Variants in NHSL1 observed in about 807,000 individuals in gnomAD.
The protein encoded by NHSL1 is NHS-like protein 1.
NHSL1 carries 48 observed loss-of-function variants against 95.0 expected under a neutral mutation model. The observed-to-expected ratio is 0.51, with a 90% confidence interval of 0.40 to 0.64. The LOEUF is 0.64. Ranked by LOEUF, NHSL1 falls within the 30% of genes least tolerant of loss-of-function variation. NHSL1 has a pLI of 0.00. For synonymous variants in NHSL1, 783 were observed against 833.9 expected (o/e 0.94, Z 1.05); for missense variants, 1,971 against 2,077.7 (o/e 0.95, Z 1.00).
intron 3 of NHSL1, among the ~76,000 whole-genome samples, chr6:138,451,596 T>G (rs1408650931): frequency 1.3e-5 from 2 of 152,216 alleles, no homozygotes; most frequent in South Asian, 4.1e-4. Context: ...CTATATGCCT[T>G]GCCCTTGGTG....
At chr6:138,441,304 A>G (rs989704033) in intron 5 of NHSL1, among the ~76,000 whole-genome samples, 2 of 152,178 alleles carry the variant, frequency 1.3e-5, no homozygotes, top group Non-Finnish European at 2.9e-5. Flanking sequence ...GAAAACAGTG[A>G]GAGGAAGTTA....
In NHSL1 at chr6:138,676,402, G is replaced by GA. The variant is rs148191619; in HGVS notation, c.96+16073dup. 1.3e-4 allele frequency among the ~76,000 whole-genome samples: 19 copies of GA among 145,720 alleles called. 1 individual carries two copies. The highest frequency in any genetic ancestry group is 6.5e-4 in the South Asian group (3 of 4,598). ...ACACTTAGGTTTTAAAATACACTCAGAAAAAAAAAATAAAACTAGTCTAAA... is the reference window on the plus strand; with the variant it reads ...ACACTTAGGTTTTAAAATACACTCAGAAAAAAAAAAATAAAACTAGTCTAAA... On this transcript the variant is annotated intron_variant, in intron 1 of 3. Transcript: ENST00000491526.
intron 3 of NHSL1, chr6:138,470,684 C>T (rs367844644): frequency 6.6e-6 from 1 of 152,174 alleles, no homozygotes; most frequent in African/African-American, 2.4e-5. Context: ...TTGTAAGAGA[C>T]CAAATATAGG....
chr6:138,527,913 C>A (rs1251367041), intron 1 of NHSL1, among the ~76,000 whole-genome samples: 3 of 152,206 alleles, frequency 2.0e-5, no homozygotes, highest in Non-Finnish European at 4.4e-5. Flanking sequence ...TTGCCACATA[C>A]TTCTACTGGC....
rs1775073931 is a variant in NHSL1, at chr6:138,423,990, G to C, written c.*91C>G. 4.0e-6 allele frequency: 5 copies of C among 1,252,684 alleles called. No individual in the cohort carries two copies. The South Asian group carries it at 1.0e-4, about 25-fold the overall frequency. The allele number at this position is 1,252,684 out of a possible 1,614,324, so 77.6% of individuals were successfully genotyped here. ...GCACAGAAGCAGAGTGGGCTCCCCG[G>C]GTGAGCCAGGGAAGGGCGCCTAGCA... On this transcript the variant is annotated 3_prime_UTR_variant, in exon 8 of 8. Coordinates refer to ENST00000343505, the MANE Select transcript of NHSL1 (RefSeq NM_001144060.2).
At chr6:138,447,533 G>C (rs763629776) in intron 3 of NHSL1, among the ~76,000 whole-genome samples, 3 of 152,168 alleles carry the variant, frequency 2.0e-5, no homozygotes, top group Non-Finnish European at 4.4e-5. Context: ...CAGCACTTTA[G>C]GAGGCTGAGG....
chr6:138,432,439 C>A lies in NHSL1; in HGVS notation c.1906G>T (p.Val636Leu). ...SDGFGNPRHS[V>L]INVFVGRAQK... ...GCTCTTCCAACAAAAACATTGATCA[C>A]GCTGTGCCTGGGGTTCCCAAAGCCA... is the stretch of plus-strand genomic sequence containing the variant. Residue 636 changes from valine to leucine, a missense_variant, in exon 6 of 8, where the codon GTG (valine) becomes TTG (leucine). Physicochemically the swap from Val to Leu is conservative, Grantham distance 32 (BLOSUM62 1). Transcript: ENST00000343505. The surrounding 1 kb of genome is among the most constrained non-coding windows in gnomAD (Gnocchi z 4.4). The A allele has an allele frequency of 1.9e-6, 3 of 1,552,366 alleles. No homozygotes were observed. Among genetic ancestry groups the A allele is most frequent in the Non-Finnish European group, 2.6e-6 (3 of 1,147,140 alleles).
chr6:138,461,232 G>T (rs75147051), intron 3 of NHSL1, among the ~76,000 whole-genome samples: 8,398 of 152,146 alleles, frequency 0.055, 636 homozygotes, highest in East Asian at 0.29. Context: ...TTTCAGTGGA[G>T]ATGGACAGTA....
intron 1 of NHSL1, among the ~76,000 whole-genome samples, chr6:138,526,920 T>G (rs1781927849): frequency 6.6e-6 from 1 of 152,218 alleles, no homozygotes; most frequent in South Asian, 2.1e-4. Flanking sequence ...TCCATCTTGA[T>G]AGTATCGATA....
At chr6:138,448,299 GA>G (rs1776993101) in intron 3 of NHSL1, among the ~76,000 whole-genome samples, 1 of 152,104 alleles carries the variant, frequency 6.6e-6, no homozygotes, top group Non-Finnish European at 1.5e-5. Context: ...GGAACACAAC[GA>G]AAAAGGGTAA....
At chr6:138,457,460 C>T (rs577996813) in intron 3 of NHSL1, among the ~76,000 whole-genome samples, 11 of 152,194 alleles carry the variant, frequency 7.2e-5, no homozygotes, top group South Asian at 2.1e-4. Context: ...TAACCAGAAT[C>T]GACGTCCTCT....
intron 1 of NHSL1, among the ~76,000 whole-genome samples, chr6:138,564,511 A>G (rs1783533075): frequency 6.6e-6 from 1 of 152,230 alleles, no homozygotes; most frequent in African/African-American, 2.4e-5. Context: ...CTAAAAATAC[A>G]AAAACTGGCC....
chr6:138,480,197 T>A (rs561631250), intron 2 of NHSL1, among the ~76,000 whole-genome samples: 65 of 152,328 alleles, frequency 4.3e-4, no homozygotes, highest in African/African-American at 1.4e-3. Flanking sequence ...AATCCATGCA[T>A]ACTAAACTCC....
At chr6:138,514,562 C>T (rs1363985691) in intron 1 of NHSL1, among the ~76,000 whole-genome samples, 1 of 152,066 alleles carries the variant, frequency 6.6e-6, no homozygotes, top group Non-Finnish European at 1.5e-5. Context: ...ACAATGACAA[C>T]AGTATACTAT....
chr6:138,446,933 G>A (rs1002192028), intron 4 of NHSL1, 68 bp downstream of exon 4: 1 of 1,414,922 alleles, frequency 7.1e-7, no homozygotes, highest in Admixed American at 2.0e-5. Context: ...AATGCTAACA[G>A]CATAAAACAA....
chr6:138,618,111 A>G (rs1211946929), intron 1 of NHSL1, among the ~76,000 whole-genome samples: 19 of 152,244 alleles, frequency 1.2e-4, no homozygotes, highest in Admixed American at 1.2e-3. Flanking sequence ...ACAGAAACTT[A>G]TAACAGAGAC....
intron 2 of NHSL1, among the ~76,000 whole-genome samples, chr6:138,484,503 A>C (rs1779607675): frequency 6.6e-6 from 1 of 152,204 alleles, no homozygotes; most frequent in African/African-American, 2.4e-5. Flanking sequence ...CAGAGGGAAA[A>C]TACACTACTA....
At chr6:138,587,858 AC>A (rs1172257073) in intron 1 of NHSL1, among the ~76,000 whole-genome samples, 26 of 152,244 alleles carry the variant, frequency 1.7e-4, no homozygotes, top group Admixed American at 5.2e-4. Context: ...ACTGCCTCCC[AC>A]GGTCACCAGG....
At chr6:138,522,227 GC>G (rs11338947) in intron 1 of NHSL1, among the ~76,000 whole-genome samples, 7,167 of 152,266 alleles carry the variant, frequency 0.047, 181 homozygotes, top group Middle Eastern at 0.071. Context: ...AAAATGGATG[GC>G]CCCTGAAGGA....
Sources: allele counts gnomAD v4.1 joint callset (sites outside exome capture counted in the v4.1 genomes callset), GRCh38; gene constraint gnomAD v4.1.1; non-coding constraint Gnocchi (gnomAD v3.1); transcripts MANE v1.5; gene names NCBI Gene and HGNC (gene_info 2026-07-23, HGNC 2026-07-21).